KRABD2: variants seen among roughly 807,000 people sequenced by gnomAD.
The protein encoded by KRABD2 is KRAB domain containing 2.
the KRABD2 span, among the ~76,000 whole-genome samples, chr17:8,363,830 C>CATATATATATATAT: frequency 2.3e-5 from 2 of 86,978 alleles, no homozygotes; most frequent in East Asian, 4.5e-4. Flanking sequence ...ATATATCATA[C>CATATATATATATAT]ATATATATAT....
the KRABD2 span, among the ~76,000 whole-genome samples, chr17:8,361,030 A>G: frequency 2.6e-5 from 4 of 152,172 alleles, no homozygotes; most frequent in African/African-American, 4.8e-5. Flanking sequence ...TCTCAAAAAA[A>G]CCACTGGTAA....
At chr17:8,367,066 A>T in the KRABD2 span, 2 of 152,148 alleles carry the variant, frequency 1.3e-5, no homozygotes, top group East Asian at 3.9e-4. Context: ...GTTTTAGAGT[A>T]TGTGTCTGAG....
the KRABD2 span, among the ~76,000 whole-genome samples, chr17:8,370,887 G>A: frequency 6.6e-6 from 1 of 152,068 alleles, no homozygotes; most frequent in Non-Finnish European, 1.5e-5. Context: ...ACAATTTCTT[G>A]GCCAAGCACA....
At chr17:8,374,368 G>T in the KRABD2 span, among the ~76,000 whole-genome samples, 1 of 152,070 alleles carries the variant, frequency 6.6e-6, no homozygotes, top group African/African-American at 2.4e-5. Flanking sequence ...GTCCACTCAG[G>T]GTTAAATGGA....
At chr17:8,359,137 G>A in the KRABD2 span, among the ~76,000 whole-genome samples, 3 of 152,142 alleles carry the variant, frequency 2.0e-5, no homozygotes, top group Non-Finnish European at 2.9e-5. Context: ...CCTCAATCTG[G>A]GTTTGTCTCT....
At chr17:8,369,271 T>C in the KRABD2 span, 1 of 1,614,250 alleles carries the variant, frequency 6.2e-7, no homozygotes, top group South Asian at 1.1e-5. Flanking sequence ...CAAAGGCTAT[T>C]TTCTAGCTGT....
At chr17:8,358,953 T>G in the KRABD2 span, among the ~76,000 whole-genome samples, 2 of 152,232 alleles carry the variant, frequency 1.3e-5, no homozygotes, top group South Asian at 4.1e-4. Flanking sequence ...ATTCACATTT[T>G]ACCAACTGTC....
chr17:8,360,461 T>G, the KRABD2 span, among the ~76,000 whole-genome samples: 1 of 152,194 alleles, frequency 6.6e-6, no homozygotes, highest in Admixed American at 6.5e-5. Context: ...GGGTAATTAA[T>G]TCTAGGGTAA....
chr17:8,376,661 C>T, the KRABD2 span: 2 of 984,986 alleles, frequency 2.0e-6, no homozygotes, highest in Non-Finnish European at 2.4e-6. Flanking sequence ...CCAGACGCGG[C>T]GTCTGAATCC....
At chr17:8,368,833 C>T in the KRABD2 span, 1 of 300,592 alleles carries the variant, frequency 3.3e-6, no homozygotes, top group Non-Finnish European at 6.1e-6. Flanking sequence ...GACAGGGTTT[C>T]ATCATGTTGG....
the KRABD2 span, chr17:8,375,838 A>G: frequency 8.7e-7 from 1 of 1,147,714 alleles, no homozygotes; most frequent in Non-Finnish European, 1.1e-6. Flanking sequence ...GCTAGGTGAT[A>G]AACGAGTTGG....
chr17:8,375,958 A>G, the KRABD2 span: 3 of 1,230,734 alleles, frequency 2.4e-6, no homozygotes, highest in Admixed American at 4.2e-5. Flanking sequence ...GATCCTCCCA[A>G]TCACAGCCAG....
chr17:8,369,521 TGCTCCTTCCAGGGAGCCCTG>T, the KRABD2 span: 1 of 1,614,174 alleles, frequency 6.2e-7, no homozygotes, highest in Non-Finnish European at 8.5e-7. Flanking sequence ...CATCACGGCT[TGCTCCTTCCAGGGAGCCCTG>T]GCTTTGGCCA....
At chr17:8,363,830 C>CATATATATATCATATATAT in the KRABD2 span, among the ~76,000 whole-genome samples, 1 of 87,014 alleles carries the variant, frequency 1.1e-5, no homozygotes, top group South Asian at 3.9e-4. Context: ...ATATATCATA[C>CATATATATATCATATATAT]ATATATATAT....
At chr17:8,369,922 A>G in the KRABD2 span, 1 of 1,614,244 alleles carries the variant, frequency 6.2e-7, no homozygotes, top group South Asian at 1.1e-5. Flanking sequence ...AGAGTCAGAT[A>G]TAAGACAATA....
the KRABD2 span, chr17:8,375,876 G>A: frequency 2.4e-6 from 3 of 1,225,402 alleles, no homozygotes; most frequent in Non-Finnish European, 3.0e-6. Flanking sequence ...TATTTCCAAA[G>A]CCATGTTTAC....
At chr17:8,376,071 G>GCATC in the KRABD2 span, 9 of 1,231,558 alleles carry the variant, frequency 7.3e-6, no homozygotes, top group Non-Finnish European at 1.0e-6. Context: ...ACTTCGCTTT[G>GCATC]CATCTTTAGT....
chr17:8,359,760 G>A, the KRABD2 span: 1 of 456,068 alleles, frequency 2.2e-6, no homozygotes. Context: ...CAGGGTTTCA[G>A]GACTGGGAGC....
At chr17:8,374,200 G>A in the KRABD2 span, among the ~76,000 whole-genome samples, 1 of 142,638 alleles carries the variant, frequency 7.0e-6, no homozygotes, top group Non-Finnish European at 1.5e-5. Context: ...GAAATGTGGG[G>A]AAAAGAAAGA....
Sources: gnomAD v4.1 joint callset for allele counts (sites outside exome capture counted in the v4.1 genomes callset) on GRCh38, gnomAD v4.1.1 for gene constraint, MANE v1.5 for transcripts, NCBI Gene and HGNC (gene_info 2026-07-23, HGNC 2026-07-21) for gene names.